The following SNTG1 variants were observed in gnomAD, a reference collection of about 807,000 sequenced individuals.
SNTG1 encodes gamma-1-syntrophin.
A neutral mutation model predicts 74.7 loss-of-function variants in SNTG1; 39 were observed. The ratio of observed to expected loss-of-function variants is 0.52; its 90% CI spans 0.40 to 0.68. The LOEUF is 0.68. Ranked by LOEUF, SNTG1 falls within the 30% of genes least tolerant of loss-of-function variation. The pLI, the probability that SNTG1 is intolerant of heterozygous loss-of-function variation, is 0.00. For synonymous variants in SNTG1, 254 were observed against 217.1 expected, an observed-to-expected ratio of 1.17 and a Z score of -1.49; for missense variants, 685 against 609.5, an observed-to-expected ratio of 1.12 and a Z score of -1.30.
intron 15 of SNTG1, among the ~76,000 whole-genome samples, chr8:50,687,418 G>T (rs1484336870): frequency 6.6e-6 from 1 of 152,038 alleles, no homozygotes; most frequent in Non-Finnish European, 1.5e-5. Context: ...CCCTTTTAAG[G>T]ACACACATGG....
chr8:50,525,740 T>A (rs1319578673), intron 9 of SNTG1, among the ~76,000 whole-genome samples: 2 of 152,100 alleles, frequency 1.3e-5, no homozygotes, highest in Non-Finnish European at 2.9e-5. Context: ...TTTCAGTTCA[T>A]GCATAATTTT....
At chr8:50,679,181 AT>A (rs758719830) in intron 15 of SNTG1, among the ~76,000 whole-genome samples, 1 of 152,090 alleles carries the variant, frequency 6.6e-6, no homozygotes, top group Non-Finnish European at 1.5e-5. Context: ...ATTTCTGGAA[AT>A]AATCTTATTT....
At chr8:49,911,264 T>C (rs1177262247), upstream of SNTG1, 1 of 152,080 alleles carries the variant, frequency 6.6e-6, no homozygotes, top group East Asian at 1.9e-4. Context: ...TCATCTTATG[T>C]AATTAAAGAT....
intron 17 of SNTG1, among the ~76,000 whole-genome samples, chr8:50,748,531 A>T (rs1035501264): frequency 6.6e-6 from 1 of 152,014 alleles, no homozygotes; most frequent in Non-Finnish European, 1.5e-5. Flanking sequence ...ATTTACAGGC[A>T]TACCTCATTT....
intron 2 of SNTG1, among the ~76,000 whole-genome samples, chr8:50,261,334 T>C (rs982073506): frequency 3.3e-5 from 5 of 152,108 alleles, no homozygotes; most frequent in African/African-American, 1.2e-4. Flanking sequence ...AAAGGAGAAA[T>C]AAAACTTTTC....
chr8:50,276,393 ATATATATATATATAT>A (rs2088109549), intron 2 of SNTG1, among the ~76,000 whole-genome samples: 1 of 147,120 alleles, frequency 6.8e-6, no homozygotes, highest in Non-Finnish European at 1.5e-5. Flanking sequence ...ATATATATAT[ATATATATATATATAT>A]AAATCATATA....
At chr8:50,699,856 T>C (rs2095417599) in intron 15 of SNTG1, among the ~76,000 whole-genome samples, 1 of 139,838 alleles carries the variant, frequency 7.2e-6, no homozygotes, top group Admixed American at 7.0e-5. Flanking sequence ...ACAACAAAAA[T>C]TTCCAACATT....
chr8:50,267,387 C>G (rs2087536785), intron 2 of SNTG1, among the ~76,000 whole-genome samples: 1 of 152,128 alleles, frequency 6.6e-6, no homozygotes, highest in African/African-American at 2.4e-5. Flanking sequence ...TAGTGTACAA[C>G]TGGCAAATAT....
chr8:50,468,583 A>G (rs577629582), intron 8 of SNTG1, among the ~76,000 whole-genome samples: 7 of 152,254 alleles, frequency 4.6e-5, no homozygotes, highest in Admixed American at 3.9e-4. Flanking sequence ...TATATTCCCT[A>G]GATAATCTGT....
chr8:50,061,585 T>C (rs1053395799), intron 1 of SNTG1, among the ~76,000 whole-genome samples: 1 of 152,136 alleles, frequency 6.6e-6, no homozygotes, highest in Non-Finnish European at 1.5e-5. Flanking sequence ...GAATTTAGAT[T>C]ATTGATTTGA....
intron 2 of SNTG1, among the ~76,000 whole-genome samples, chr8:50,182,691 A>G (rs1289574029): frequency 2.0e-5 from 3 of 151,924 alleles, no homozygotes; most frequent in Non-Finnish European, 2.9e-5. Flanking sequence ...GATTCTCTTA[A>G]TTTCATCTTT....
At chr8:50,494,392 T>C (rs1252740972) in intron 8 of SNTG1, among the ~76,000 whole-genome samples, 2 of 151,992 alleles carry the variant, frequency 1.3e-5, no homozygotes, top group Non-Finnish European at 2.9e-5. Context: ...CACATCTGCC[T>C]TTATTTTTAA....
In SNTG1 at chr8:50,570,588, G is replaced by GTTA. The variant is rs1165108196; in HGVS notation, c.810+17411_810+17412insATT. Among the ~76,000 whole-genome samples, 266 of 86,876 alleles carry GTTA rather than the reference G, an allele frequency of 3.1e-3. 2 individuals are homozygous for GTTA. The highest frequency in any genetic ancestry group is 9.6e-3 in the African/African-American group (224 of 23,262). 57.0% of individuals were successfully genotyped at this position (86,876 alleles called of 152,430 possible). A position where few individuals can be genotyped will look rare whatever the true frequency, so the allele number is the denominator to read the frequency against. On this transcript the variant is annotated intron_variant, in intron 12 of 18. Transcript: ENST00000642720. ...TTTTATTATTATTATTATTATTATTGTTGTTATTATTATTATTATTATTAT... is the reference window on the plus strand; with the variant it reads ...TTTTATTATTATTATTATTATTATTGTTATTGTTATTATTATTATTATTATTAT...
intron 4 of SNTG1, among the ~76,000 whole-genome samples, chr8:50,413,963 T>G (rs1282988113): frequency 6.6e-6 from 1 of 152,238 alleles, no homozygotes; most frequent in Admixed American, 6.5e-5. Context: ...ATTATACATT[T>G]GATATCTCCT....
chr8:50,153,652 G>A (rs1349548503), intron 1 of SNTG1, among the ~76,000 whole-genome samples: 1 of 152,202 alleles, frequency 6.6e-6, no homozygotes, highest in Non-Finnish European at 1.5e-5. Flanking sequence ...GTCTGCTGGA[G>A]TTTGCTGGAG....
chr8:50,028,686 C>T (rs1370469753), intron 1 of SNTG1, among the ~76,000 whole-genome samples: 1 of 152,032 alleles, frequency 6.6e-6, no homozygotes, highest in African/African-American at 2.4e-5. Context: ...CACATGTATA[C>T]ATATGTAATT....
chr8:50,067,023 C>A (rs1820954765), intron 1 of SNTG1, among the ~76,000 whole-genome samples: 1 of 152,050 alleles, frequency 6.6e-6, no homozygotes, highest in Admixed American at 6.6e-5. Flanking sequence ...TTCGTCAGTT[C>A]TTTTCTTTTC....
intron 1 of SNTG1, among the ~76,000 whole-genome samples, chr8:49,937,429 C>A (rs562815257): frequency 6.6e-6 from 1 of 152,090 alleles, no homozygotes; most frequent in African/African-American, 2.4e-5. Flanking sequence ...TAAATATGTG[C>A]AGTTTGTTAT....
intron 2 of SNTG1, among the ~76,000 whole-genome samples, chr8:50,346,990 T>C (rs1423469376): frequency 1.3e-5 from 2 of 152,240 alleles, no homozygotes; most frequent in Non-Finnish European, 2.9e-5. Flanking sequence ...AATGCTGATG[T>C]AGAAGCTGCA....
Sources: allele counts gnomAD v4.1 joint callset (sites outside exome capture counted in the v4.1 genomes callset), GRCh38; gene constraint gnomAD v4.1.1; transcripts MANE v1.5; gene names NCBI Gene and HGNC (gene_info 2026-07-23, HGNC 2026-07-21).